The following RBFOX3 variants were observed in gnomAD, a reference collection of about 807,000 sequenced individuals.
The protein encoded by RBFOX3 is RNA binding protein fox-1 homolog 3.
A neutral mutation model predicts 48.7 loss-of-function variants in RBFOX3; 17 were observed. The ratio of observed to expected loss-of-function variants is 0.35; its 90% CI spans 0.24 to 0.52. The LOEUF (loss-of-function observed/expected upper bound fraction) is 0.52, where lower values mean the gene tolerates loss of function less well. RBFOX3 is among the 20% of genes least tolerant of loss of function. The probability of loss-of-function intolerance (pLI) is 0.94; values close to 1 mark genes in which losing one functional copy is unlikely to be tolerated. For synonymous variants in RBFOX3, 212 were observed against 209.5 expected (o/e 1.01, Z -0.10); for missense variants, 382 against 497.5 (o/e 0.77, Z 2.21).
intron 1 of RBFOX3, among the ~76,000 whole-genome samples, chr17:79,501,576 A>T (rs2082393703): frequency 6.6e-6 from 1 of 152,220 alleles, no homozygotes; most frequent in Non-Finnish European, 1.5e-5. Flanking sequence ...GATTTGTTCC[A>T]GCTGGGCCCC....
At chr17:79,327,411 G>A (rs1352091089) in intron 2 of RBFOX3, among the ~76,000 whole-genome samples, 1 of 152,168 alleles carries the variant, frequency 6.6e-6, no homozygotes, top group Non-Finnish European at 1.5e-5. Context: ...CCTCCTGCCA[G>A]GACCCTGGTG....
the RBFOX3 span, among the ~76,000 whole-genome samples, chr17:79,627,102 C>G: frequency 6.6e-6 from 1 of 152,324 alleles, no homozygotes; most frequent in African/African-American, 2.4e-5. Context: ...CAGCCACACA[C>G]GGAGGTGTGA....
At chr17:79,628,366 G>A in the RBFOX3 span, among the ~76,000 whole-genome samples, 1 of 152,092 alleles carries the variant, frequency 6.6e-6, no homozygotes, top group Non-Finnish European at 1.5e-5. Flanking sequence ...CTGGATTGTG[G>A]GACACCAGTT....
chr17:79,330,538 C>A (rs566844658), intron 2 of RBFOX3, among the ~76,000 whole-genome samples: 1 of 149,884 alleles, frequency 6.7e-6, no homozygotes, highest in African/African-American at 2.5e-5. Flanking sequence ...AGGTTCCACA[C>A]GCTTCTCCGT....
chr17:79,337,403 G>A (rs930084613), intron 2 of RBFOX3, among the ~76,000 whole-genome samples: 4 of 152,226 alleles, frequency 2.6e-5, no homozygotes, highest in Non-Finnish European at 4.4e-5. Flanking sequence ...ACTCTCGTGT[G>A]TTTGCACTGA....
At chr17:79,615,457 GGCAA>G (rs1273723860), upstream of RBFOX3, among the ~76,000 whole-genome samples, 1 of 152,042 alleles carries the variant, frequency 6.6e-6, no homozygotes, top group African/African-American at 2.4e-5. Context: ...CTGTGTACCG[GGCAA>G]GAGGTTGCCA....
intron 14 of RBFOX3, among the ~76,000 whole-genome samples, chr17:79,091,392 G>C (rs947032084): frequency 4.6e-5 from 7 of 152,220 alleles, no homozygotes; most frequent in Non-Finnish European, 1.0e-4. Flanking sequence ...TGTGCCCCAG[G>C]CCAGTGCCAG....
chr17:79,201,385 C>T (rs77918097), intron 4 of RBFOX3, among the ~76,000 whole-genome samples: 3,250 of 152,252 alleles, frequency 0.021, 109 homozygotes, highest in African/African-American at 0.075. Flanking sequence ...CCCAGAACCC[C>T]GGCAGTGGCA....
rs918727203 is a variant in RBFOX3 at position 79,484,581 on chromosome 17, G to A, written c.-319-1983C>T. Among the ~76,000 whole-genome samples, 31 of 144,962 alleles carry A rather than the reference G, an allele frequency of 2.1e-4. 2 individuals carry two copies. In the East Asian group the frequency reaches 5.2e-3, roughly 25 times the overall value. On this transcript the variant is annotated intron_variant, in intron 1 of 14. Coordinates refer to ENST00000693108, the MANE Select transcript of RBFOX3 (RefSeq NM_001350451.2). ...TGGGTGCAGGGGGCCTGGGTGCAGG[G>A]GCCTGGGTGCAGGGGGCCTGTGCAG...
chr17:79,520,899 A>G (rs2085973269), intron 1 of RBFOX3, among the ~76,000 whole-genome samples: 2 of 152,214 alleles, frequency 1.3e-5, no homozygotes, highest in Non-Finnish European at 2.9e-5. Context: ...AGCTACACGA[A>G]TTATAGTCCT....
At chr17:79,256,500 A>C (rs965798632) in intron 3 of RBFOX3, among the ~76,000 whole-genome samples, 1 of 152,196 alleles carries the variant, frequency 6.6e-6, no homozygotes, top group African/African-American at 2.4e-5. Flanking sequence ...AACTAATTGC[A>C]AACCTGCTCC....
chr17:79,403,753 C>T (rs936754178), intron 2 of RBFOX3, among the ~76,000 whole-genome samples: 1 of 152,114 alleles, frequency 6.6e-6, no homozygotes, highest in Non-Finnish European at 1.5e-5. Context: ...CTCAGGTTCC[C>T]CCAGCACAAG....
intron 13 of RBFOX3, among the ~76,000 whole-genome samples, chr17:79,094,866 C>G (rs1568113761): frequency 1.3e-5 from 2 of 151,972 alleles, no homozygotes; most frequent in Non-Finnish European, 2.9e-5. Flanking sequence ...ACTTCCACCC[C>G]AAAAAGAATG....
chr17:79,458,040 C>T lies in RBFOX3; in HGVS notation c.-175+24414G>A, dbSNP rs537218734. 1.1e-4 allele frequency among the ~76,000 whole-genome samples: 16 copies of T among 152,330 alleles called. No individual in the cohort carries two copies. The East Asian group carries it at 2.7e-3, about 26-fold the overall frequency. On this transcript the variant is annotated intron_variant, in intron 2 of 14. Transcript: ENST00000693108. ...TCCCTTGACCTCGCAATCATGCAACCAGGCCCAGGCCATCTTTGCAGGGCG... is the reference window on the plus strand; with the variant it reads ...TCCCTTGACCTCGCAATCATGCAACTAGGCCCAGGCCATCTTTGCAGGGCG...
chr17:79,356,236 C>T (rs1166856963), intron 2 of RBFOX3, among the ~76,000 whole-genome samples: 1 of 151,978 alleles, frequency 6.6e-6, no homozygotes, highest in South Asian at 2.1e-4. Flanking sequence ...GACATACTTG[C>T]AGACCCTCCT....
chr17:79,137,141 G>GAC (rs766239994), intron 4 of RBFOX3, among the ~76,000 whole-genome samples: 3 of 152,076 alleles, frequency 2.0e-5, no homozygotes, highest in Non-Finnish European at 2.9e-5. Flanking sequence ...TCCTCACAGA[G>GAC]ACACACACAC....
chr17:79,603,477 T>G (rs2093757021), intron 1 of RBFOX3, among the ~76,000 whole-genome samples: 1 of 152,174 alleles, frequency 6.6e-6, no homozygotes, highest in African/African-American at 2.4e-5. Context: ...GGGGTGTTCC[T>G]AAGGACATGA....
At chr17:79,345,267 GTA>G (rs748563273) in intron 2 of RBFOX3, among the ~76,000 whole-genome samples, 35 of 152,194 alleles carry the variant, frequency 2.3e-4, no homozygotes, top group Non-Finnish European at 4.6e-4. Flanking sequence ...GTTGCCTGTA[GTA>G]TTCCCTTATT....
chr17:79,131,330 G>T (rs1466726621), intron 4 of RBFOX3, among the ~76,000 whole-genome samples: 1 of 152,252 alleles, frequency 6.6e-6, no homozygotes, highest in Non-Finnish European at 1.5e-5. Context: ...TGCACGCTGG[G>T]AACAGCGCTA....
Sources: gnomAD v4.1 joint callset for allele counts (sites outside exome capture counted in the v4.1 genomes callset) on GRCh38, gnomAD v4.1.1 for gene constraint, MANE v1.5 for transcripts, NCBI Gene and HGNC (gene_info 2026-07-23, HGNC 2026-07-21) for gene names.